TREM1: variants seen among roughly 807,000 people sequenced by gnomAD.
The protein encoded by TREM1 is triggering receptor expressed on monocytes 1.
Under a neutral mutation model 22.4 loss-of-function variants are expected in TREM1, and 16 were observed. The ratio of observed to expected loss-of-function variants is 0.71; its 90% CI spans 0.48 to 1.08. TREM1 has a LOEUF of 1.08. TREM1 is among the 50% of genes least tolerant of loss of function. The pLI is 0.00. For missense variants in TREM1, 283 were observed against 282.9 expected (o/e 1.00, Z 0.00); for synonymous variants, 110 against 111.6 (o/e 0.99, Z 0.09).
chr6:41,272,884 G>A (rs543529115), downstream of TREM1, among the ~76,000 whole-genome samples: 34 of 152,308 alleles, frequency 2.2e-4, no homozygotes, highest in African/African-American at 7.5e-4. Context: ...TATAATGGAG[G>A]TGTGTCATCT....
intron 3 of TREM1, chr6:41,280,566 GTTCCT>G: frequency 8.5e-7 from 1 of 1,177,038 alleles, no homozygotes. Context: ...GCCAGAGAGG[GTTCCT>G]GACTCACCCA....
At chr6:41,281,380 A>G in intron 2 of TREM1, 1 of 525,292 alleles carries the variant, frequency 1.9e-6, no homozygotes, top group Non-Finnish European at 3.3e-6. Context: ...TCAGAAATCG[A>G]AAAAAGGAAA....
downstream of TREM1, among the ~76,000 whole-genome samples, chr6:41,268,914 C>T (rs1176823540): frequency 1.3e-5 from 2 of 152,060 alleles, no homozygotes; most frequent in Admixed American, 6.6e-5. Context: ...TCTCAAGAAC[C>T]GGGAAGTTAT....
At chr6:41,278,574 A>C (rs547221705) in intron 3 of TREM1, among the ~76,000 whole-genome samples, 1 of 151,752 alleles carries the variant, frequency 6.6e-6, no homozygotes, top group South Asian at 2.1e-4. Flanking sequence ...TTGGGAGGCA[A>C]AGGTGGGAGG....
intron 3 of TREM1, chr6:41,280,324 A>C: frequency 1.0e-6 from 1 of 985,234 alleles, no homozygotes; most frequent in Admixed American, 6.0e-5. Context: ...CCTACACATT[A>C]GAAATCTCCT....
intron 1 of TREM1, among the ~76,000 whole-genome samples, chr6:41,285,145 G>C (rs1021572949): frequency 7.9e-5 from 12 of 152,156 alleles, no homozygotes; most frequent in African/African-American, 2.7e-4. Context: ...AGCTCCCCAG[G>C]GAAGGTGGGA....
chr6:41,280,479 G>C, intron 3 of TREM1: 2 of 1,015,146 alleles, frequency 2.0e-6, no homozygotes, highest in Non-Finnish European at 1.2e-6. Context: ...TCCAGCTCCT[G>C]CTGAGAGTTA....
intron 3 of TREM1, among the ~76,000 whole-genome samples, 184 bp from the exon 4 acceptor site, chr6:41,276,414 A>G (rs992948527): frequency 2.0e-5 from 3 of 152,112 alleles, no homozygotes; most frequent in Non-Finnish European, 4.4e-5. Flanking sequence ...ATTAGAAACA[A>G]TTCAGTGGAG....
chr6:41,272,034 T>C (rs1172112325), downstream of TREM1, among the ~76,000 whole-genome samples: 1 of 152,200 alleles, frequency 6.6e-6, no homozygotes, highest in Non-Finnish European at 1.5e-5. Context: ...CCAGGGCCTC[T>C]TGTAGTTGCT....
chr6:41,279,358 T>C (rs978906505), intron 3 of TREM1, among the ~76,000 whole-genome samples: 3 of 152,366 alleles, frequency 2.0e-5, no homozygotes, highest in African/African-American at 7.2e-5. Context: ...CTTTCACTGC[T>C]TCATTCCTTT....
In TREM1 at chr6:41,282,553, C is replaced by A. The variant is rs772706365; in HGVS notation, c.248G>T (p.Gly83Val). Residue 83 changes from glycine (G) to valine (V), a missense_variant, in exon 2 of 4, where the codon GGG becomes GTG. Coordinates refer to ENST00000244709, the MANE Select transcript of TREM1 (RefSeq NM_018643.5). ...PSKNSHPVQVGRIILEDYHDH... is the reference protein window; with the variant it reads ...PSKNSHPVQVVRIILEDYHDH... Reference sequence around the variant, plus strand: ...ATGGTAGTCTTCTAGTATGATCCTCCCCACTTGGACTGGATGGGAATTCTT... The same window carrying A: ...ATGGTAGTCTTCTAGTATGATCCTCACCACTTGGACTGGATGGGAATTCTT... 2 of 1,614,038 alleles carry A rather than the reference C, an allele frequency of 1.2e-6. No individual in the cohort carries two copies. Among genetic ancestry groups the A allele is most frequent in the African/African-American group, 2.7e-5 (2 of 74,910 alleles).
chr6:41,286,443 A>G (rs1768173315), intron 1 of TREM1, among the ~76,000 whole-genome samples, 164 bp downstream of exon 1: 1 of 152,098 alleles, frequency 6.6e-6, no homozygotes, highest in African/African-American at 2.4e-5. Context: ...TTTTGTGTGC[A>G]GACACTGCAT....
chr6:41,283,719 A>AACACACACAC (rs60544893), intron 1 of TREM1, among the ~76,000 whole-genome samples: 17 of 146,936 alleles, frequency 1.2e-4, no homozygotes, highest in Non-Finnish European at 2.2e-4. Context: ...TAAAAAAAAA[A>AACACACACAC]ACACACACAC....
At chr6:41,267,945 G>C (rs1427189913) in exon 4 of TREM1, 1 of 398,520 alleles carries the variant, frequency 2.5e-6, no homozygotes, top group African/African-American at 2.1e-5. Context: ...TCAGGGCGTA[G>C]GTTTTCCTTT....
At chr6:41,279,954 A>G (rs773370125) in intron 3 of TREM1, 11 of 976,978 alleles carry the variant, frequency 1.1e-5, no homozygotes, top group Non-Finnish European at 1.3e-5. Context: ...TCAACACTAT[A>G]TCAATGTCTA....
downstream of TREM1, among the ~76,000 whole-genome samples, chr6:41,273,328 C>T (rs1395606307): frequency 6.6e-6 from 1 of 152,162 alleles, no homozygotes; most frequent in Non-Finnish European, 1.5e-5. Flanking sequence ...TACTGATATC[C>T]CCCTAGAATT....
rs762663199 is a variant in TREM1, at chr6:41,286,680, G to A, written c.-25C>T. The A allele has an allele frequency of 6.8e-6, 11 of 1,613,554 alleles. No homozygotes were observed. In the African/African-American group the frequency reaches 1.5e-4, roughly 22 times the overall value. On this transcript the variant is annotated 5_prime_UTR_variant, in exon 1 of 4. Transcript: ENST00000244709. ...TCCTTCCTGTGCACCAGCTCCAACT[G>A]CTGCTGAGGGCTCCCGGGACAGCTA...
At chr6:41,281,700 A>G (rs1327833553) in intron 2 of TREM1, 1 of 160,970 alleles carries the variant, frequency 6.2e-6, no homozygotes. Flanking sequence ...TCCATAATTC[A>G]TTCCTTAATG....
At chr6:41,286,527 C>G (rs1768177293) in intron 1 of TREM1, 80 bp downstream of exon 1, 1 of 1,519,184 alleles carries the variant, frequency 6.6e-7, no homozygotes, top group African/African-American at 1.4e-5. Context: ...TGGCCCTGTG[C>G]TCTGAAGCTT....
Sources: allele counts gnomAD v4.1 joint callset (sites outside exome capture counted in the v4.1 genomes callset), GRCh38; gene constraint gnomAD v4.1.1; transcripts MANE v1.5; gene names NCBI Gene and HGNC (gene_info 2026-07-23, HGNC 2026-07-21).